The following CPEB1 variants were observed in gnomAD, a reference collection of about 807,000 sequenced individuals.
CPEB1 encodes the protein cytoplasmic polyadenylation element-binding protein 1.
A neutral mutation model predicts 65.8 loss-of-function variants in CPEB1; 7 were observed. The ratio of observed to expected loss-of-function variants is 0.11; its 90% confidence interval spans 0.06 to 0.20. CPEB1 has a LOEUF of 0.20. Among genes scored for constraint, CPEB1 ranks in the 10% least tolerant of loss-of-function variants. The pLI is 1.00. For synonymous variants in CPEB1, 262 were observed against 260.0 expected (o/e 1.01, Z -0.08); for missense variants, 551 against 712.2 (o/e 0.77, Z 2.58).
chr15:82,597,800 A>G (rs1414434252), intron 3 of CPEB1, among the ~76,000 whole-genome samples: 1 of 152,210 alleles, frequency 6.6e-6, no homozygotes, highest in African/African-American at 2.4e-5. Flanking sequence ...AGCCTGCATG[A>G]CAAGAATGAG....
At chr15:82,643,838 T>C (rs2047291043) in intron 1 of CPEB1, among the ~76,000 whole-genome samples, 1 of 152,120 alleles carries the variant, frequency 6.6e-6, no homozygotes, top group Admixed American at 6.5e-5. Flanking sequence ...TTTTTAACCT[T>C]TATTAATTCT....
At chr15:82,616,740 A>C (rs1386420180) in intron 3 of CPEB1, among the ~76,000 whole-genome samples, 1 of 152,024 alleles carries the variant, frequency 6.6e-6, no homozygotes, top group East Asian at 1.9e-4. Flanking sequence ...ACAGGGTTTC[A>C]CCATGTTGGC....
At chr15:82,626,889 C>G (rs964885774) in intron 3 of CPEB1, among the ~76,000 whole-genome samples, 13 of 152,092 alleles carry the variant, frequency 8.5e-5, no homozygotes, top group African/African-American at 3.1e-4. Context: ...ACATGGCTAC[C>G]AGAAAATCTG....
At chr15:82,599,474 A>C (rs993285911) in intron 3 of CPEB1, among the ~76,000 whole-genome samples, 2 of 152,238 alleles carry the variant, frequency 1.3e-5, no homozygotes, top group Non-Finnish European at 2.9e-5. Flanking sequence ...ATCATCTTAA[A>C]AGCATCTGAA....
chr15:82,631,958 C>G (rs556991324), intron 1 of CPEB1, among the ~76,000 whole-genome samples: 1 of 149,134 alleles, frequency 6.7e-6, no homozygotes, highest in African/African-American at 2.5e-5. Flanking sequence ...CAAGTCTAAA[C>G]ACAGAATTCA....
At chr15:82,579,911 T>TC (rs576415283) in intron 3 of CPEB1, among the ~76,000 whole-genome samples, 228 of 79,698 alleles carry the variant, frequency 2.9e-3, no homozygotes, top group African/African-American at 0.01. Flanking sequence ...AGAGTGAGAC[T>TC]CCGTCTCAAA....
intron 3 of CPEB1, among the ~76,000 whole-genome samples, chr15:82,577,091 T>A (rs748325444): frequency 3.3e-5 from 5 of 152,204 alleles, no homozygotes; most frequent in Non-Finnish European, 7.4e-5. Context: ...AAGTTAAATC[T>A]ATAGGCCCAT....
chr15:82,637,988 G>A (rs1460541493), intron 1 of CPEB1: 1 of 453,570 alleles, frequency 2.2e-6, no homozygotes, highest in Admixed American at 2.4e-5. Context: ...TTATGGAGTG[G>A]CATTGACATT....
intron 3 of CPEB1, among the ~76,000 whole-genome samples, chr15:82,602,926 C>T (rs1475119462): frequency 6.6e-6 from 1 of 151,976 alleles, no homozygotes; most frequent in Admixed American, 6.6e-5. Flanking sequence ...GGACCTCTGA[C>T]AATTCTTCCT....
intron 1 of CPEB1, 152 bp from the exon 2 acceptor site, chr15:82,628,708 C>CA: frequency 2.2e-6 from 1 of 463,780 alleles, no homozygotes; most frequent in Non-Finnish European, 3.8e-6. Flanking sequence ...CCACCTTTGC[C>CA]ACCCCTGAGA....
chr15:82,575,113 T>C (rs1262152775), intron 3 of CPEB1, among the ~76,000 whole-genome samples: 3 of 152,190 alleles, frequency 2.0e-5, no homozygotes, highest in Admixed American at 1.3e-4. Context: ...TTCAACTGAA[T>C]GCGTATCATT....
intron 3 of CPEB1, among the ~76,000 whole-genome samples, chr15:82,612,748 C>T (rs181178810): frequency 3.9e-5 from 6 of 152,046 alleles, no homozygotes; most frequent in Admixed American, 1.3e-4. Flanking sequence ...GCAGGAGAAT[C>T]GCTTGAACCT....
intron 3 of CPEB1, among the ~76,000 whole-genome samples, chr15:82,624,201 C>A (rs749260152): frequency 3.3e-5 from 5 of 152,102 alleles, no homozygotes; most frequent in Admixed American, 6.5e-5. Context: ...GAATACAGGC[C>A]CACAGCCCTG....
chr15:82,556,129 G>A lies in CPEB1; in HGVS notation c.688-7C>T, dbSNP rs769985133. 1.0e-5 allele frequency: 16 copies of A among 1,587,018 alleles called. No homozygotes were observed. The Admixed American group carries it at 3.1e-4, about 31-fold the overall frequency. ...GAGAAATGCGAAGGCTTGACTAGGGGAGGAAAAAGGAAGACAGGGTTTTAA... is the reference window on the plus strand; with the variant it reads ...GAGAAATGCGAAGGCTTGACTAGGGAAGGAAAAAGGAAGACAGGGTTTTAA... On this transcript the variant is annotated splice_polypyrimidine_tract_variant and splice_region_variant and intron_variant, in intron 5 of 12. Coordinates refer to ENST00000684509, the MANE Select transcript of CPEB1 (RefSeq NM_001365242.1).
intron 4 of CPEB1, among the ~76,000 whole-genome samples, chr15:82,562,635 T>C (rs1470422903): frequency 6.7e-6 from 1 of 150,078 alleles, no homozygotes; most frequent in African/African-American, 2.5e-5. Context: ...AGACCAGGAG[T>C]TCAAGACCAC....
chr15:82,564,643 C>T (rs1470638348), intron 4 of CPEB1, among the ~76,000 whole-genome samples: 9 of 152,238 alleles, frequency 5.9e-5, no homozygotes, highest in African/African-American at 2.2e-4. Context: ...GGGAATAAAC[C>T]TTAACTCATC....
chr15:82,606,977 A>G (rs1002097063), intron 3 of CPEB1, among the ~76,000 whole-genome samples: 1 of 152,024 alleles, frequency 6.6e-6, no homozygotes, highest in Non-Finnish European at 1.5e-5. Flanking sequence ...TTTAAAAAAA[A>G]CAAGAAACAT....
intron 4 of CPEB1, among the ~76,000 whole-genome samples, chr15:82,561,233 G>A (rs991196942): frequency 6.6e-6 from 1 of 152,218 alleles, no homozygotes; most frequent in African/African-American, 2.4e-5. Context: ...ACACTAAAAA[G>A]ACCGATGGTG....
intron 4 of CPEB1, among the ~76,000 whole-genome samples, chr15:82,568,458 T>C (rs527687732): frequency 1.0e-3 from 154 of 152,272 alleles, no homozygotes; most frequent in Non-Finnish European, 1.9e-3. Flanking sequence ...CATCAAGGGA[T>C]AGTGCCTCAG....
Sources: gnomAD v4.1 joint callset for allele counts (sites outside exome capture counted in the v4.1 genomes callset) on GRCh38, gnomAD v4.1.1 for gene constraint, MANE v1.5 for transcripts, NCBI Gene and HGNC (gene_info 2026-07-23, HGNC 2026-07-21) for gene names.